Variants in EIPR1 observed in about 807,000 individuals in gnomAD.
The protein encoded by EIPR1 is EARP and GARP complex-interacting protein 1.
Under a neutral mutation model 48.1 loss-of-function variants are expected in EIPR1, and 25 were observed. The ratio of observed to expected loss-of-function variants is 0.52; its 90% CI spans 0.38 to 0.73. The LOEUF (loss-of-function observed/expected upper bound fraction) is 0.73. Among genes scored for constraint, EIPR1 ranks in the 30% least tolerant of loss-of-function variants. The probability of loss-of-function intolerance (pLI) is 0.00; values close to 1 mark genes in which losing one functional copy is unlikely to be tolerated. For missense variants in EIPR1, 415 were observed against 506.2 expected (o/e 0.82, Z 1.73); for synonymous variants, 204 against 201.9 (o/e 1.01, Z -0.09).
At chr2:3,195,908 T>C (rs1484802514) in intron 6 of EIPR1, among the ~76,000 whole-genome samples, 1 of 152,256 alleles carries the variant, frequency 6.6e-6, no homozygotes, top group Admixed American at 6.5e-5. Context: ...GGCATCTTTT[T>C]GTTTGCTTAT....
chr2:3,283,603 G>T (rs924814141), intron 3 of EIPR1, among the ~76,000 whole-genome samples: 2 of 152,244 alleles, frequency 1.3e-5, no homozygotes, highest in Non-Finnish European at 2.9e-5. Context: ...CAGACGGGCA[G>T]GAGAGCCAGA....
In EIPR1 at chr2:3,254,402, T is replaced by C. The variant is rs565746766; in HGVS notation, c.416+2897A>G. Among the ~76,000 whole-genome samples the C allele has an allele frequency of 3.9e-4, 59 of 152,292 alleles. 1 individual carries two copies. Among genetic ancestry groups the C allele is most frequent in the Admixed American group, 3.0e-3 (46 of 15,302 alleles). On this transcript the variant is annotated intron_variant, in intron 4 of 8. Coordinates refer to ENST00000382125, the MANE Select transcript of EIPR1 (RefSeq NM_003310.5). ...ATACTTACCGCAACTGTAGTCATAA[T>C]CGCCAAAAACAAGGAAAAACCCAGA... is the stretch of plus-strand genomic sequence containing the variant.
rs1341936195 is a variant in EIPR1, at chr2:3,300,795, T to G, written c.259+37222A>C. 3 of 152,218 alleles carry G rather than the reference T, an allele frequency of 2.0e-5. No homozygotes were observed. In the East Asian group the frequency reaches 5.8e-4, roughly 29 times the overall value. The allele number at this position is 152,218 out of a possible 1,614,324, so 9.4% of individuals were successfully genotyped here. A position where few individuals can be genotyped will look rare whatever the true frequency, so the allele number is the denominator to read the frequency against. On this transcript the variant is annotated intron_variant, in intron 3 of 8. Coordinates refer to ENST00000382125, the MANE Select transcript of EIPR1 (RefSeq NM_003310.5). Reference sequence around the variant, plus strand: ...TTGTAAACCAGCTGTCGCCCAGGCATGTTTTCTACAAGAGAGTATATATGT... The same window carrying G: ...TTGTAAACCAGCTGTCGCCCAGGCAGGTTTTCTACAAGAGAGTATATATGT...
intron 3 of EIPR1, among the ~76,000 whole-genome samples, chr2:3,283,578 G>C (rs1256975788): frequency 6.6e-6 from 1 of 152,208 alleles, no homozygotes; most frequent in Non-Finnish European, 1.5e-5. Flanking sequence ...CCTTCCCCCA[G>C]CTGCAAAGGA....
Position 3,189,883 on chromosome 2 carries a change from G to A in EIPR1, c.990-375C>T, listed in dbSNP as rs1033983595. ...GGAAAGACTGGGGGAAGTAGTCACC[G>A]TGTCTGGGTAACACAGGATGTAAAC... On this transcript the variant is annotated intron_variant, in intron 8 of 8. Coordinates refer to ENST00000382125, the MANE Select transcript of EIPR1 (RefSeq NM_003310.5). This position sits in a 1 kb window ranked among gnomAD's most constrained non-coding sequence, Gnocchi z 4.6. Among the ~76,000 whole-genome samples, 2 of 152,142 alleles carry A rather than the reference G, an allele frequency of 1.3e-5. No homozygotes were observed. The highest frequency in any genetic ancestry group is 2.4e-5 in the African/African-American group (1 of 41,436).
chr2:3,247,257 CACA>C (rs1437470530), intron 4 of EIPR1, among the ~76,000 whole-genome samples: 1 of 152,126 alleles, frequency 6.6e-6, no homozygotes, highest in Non-Finnish European at 1.5e-5. Context: ...GGAAACGGAG[CACA>C]ACAAGAATGC....
intron 4 of EIPR1, among the ~76,000 whole-genome samples, chr2:3,250,097 C>A (rs1469956764): frequency 1.3e-5 from 2 of 151,898 alleles, no homozygotes; most frequent in Non-Finnish European, 2.9e-5. Flanking sequence ...TAGGACACTG[C>A]CTAGTGGAGC....
At chr2:3,207,974 A>G (rs1307318032) in intron 5 of EIPR1, 1 of 152,954 alleles carries the variant, frequency 6.5e-6, no homozygotes, top group African/African-American at 2.4e-5. Context: ...TGGCTTTTTC[A>G]AAACAAATAT....
chr2:3,256,973 C>T (rs760365088), intron 4 of EIPR1, among the ~76,000 whole-genome samples: 33 of 152,210 alleles, frequency 2.2e-4, no homozygotes, highest in Non-Finnish European at 4.1e-4. Flanking sequence ...TGAATAAGTG[C>T]ATGCTGACCA....
intron 2 of EIPR1, among the ~76,000 whole-genome samples, chr2:3,345,619 T>C (rs1464071602): frequency 6.6e-6 from 1 of 150,990 alleles, no homozygotes; most frequent in Non-Finnish European, 1.5e-5. Flanking sequence ...AGCGAGACTC[T>C]GTCTGGAAAA....
At chr2:3,247,388 G>A (rs746387379) in intron 4 of EIPR1, among the ~76,000 whole-genome samples, 2 of 152,136 alleles carry the variant, frequency 1.3e-5, no homozygotes, top group African/African-American at 2.4e-5. Flanking sequence ...AAGGGCGATG[G>A]AAAACCATAA....
At chr2:3,282,032 A>T (rs1668028897) in intron 3 of EIPR1, among the ~76,000 whole-genome samples, 1 of 152,356 alleles carries the variant, frequency 6.6e-6, no homozygotes, top group East Asian at 1.9e-4. Context: ...GGAAATGAGA[A>T]TTTTATATTC....
intron 1 of EIPR1, among the ~76,000 whole-genome samples, chr2:3,365,854 G>T (rs1040266748): frequency 2.6e-5 from 4 of 151,948 alleles, no homozygotes; most frequent in African/African-American, 9.7e-5. Context: ...AGAACAAAAT[G>T]AAAAGTCTCC....
At chr2:3,246,091 C>CA (rs1254636332) in intron 4 of EIPR1, among the ~76,000 whole-genome samples, 1 of 152,056 alleles carries the variant, frequency 6.6e-6, no homozygotes, top group South Asian at 2.1e-4. Flanking sequence ...GACCCCGTCT[C>CA]AAAAAAAGAA....
chr2:3,271,074 T>C (rs1667689004), intron 3 of EIPR1, among the ~76,000 whole-genome samples: 1 of 152,232 alleles, frequency 6.6e-6, no homozygotes, highest in South Asian at 2.1e-4. Context: ...ACCACTTGCT[T>C]TGCTCATCCT....
At position 3,377,787 on chromosome 2, in the gene EIPR1, C is replaced by A; in HGVS notation, c.-98G>T. 1.0e-4 allele frequency: 136 copies of A among 1,334,020 alleles called. No homozygotes were observed. Among genetic ancestry groups the A allele is most frequent in the Non-Finnish European group, 1.3e-4 (127 of 960,508 alleles). The allele number at this position is 1,334,020 out of a possible 1,614,324, so 82.6% of individuals were successfully genotyped here. A position where few individuals can be genotyped will look rare whatever the true frequency, so the allele number is the denominator to read the frequency against. Reference sequence around the variant, plus strand: ...CGCGGGCGTGTTCCCAGCGCCCATTCATTCCCTCCCCGCAGCAAACGACTC... The same window carrying A: ...CGCGGGCGTGTTCCCAGCGCCCATTAATTCCCTCCCCGCAGCAAACGACTC... On this transcript the variant is annotated 5_prime_UTR_variant, in exon 1 of 9. An upstream start codon of the reference 5' UTR is lost. Coordinates refer to ENST00000382125, the MANE Select transcript of EIPR1 (RefSeq NM_003310.5).
At chr2:3,317,124 G>T (rs1669330466) in intron 3 of EIPR1, among the ~76,000 whole-genome samples, 1 of 151,668 alleles carries the variant, frequency 6.6e-6, no homozygotes, top group African/African-American at 2.4e-5. Context: ...TTGCATGTGG[G>T]GTGGAGCACA....
At chr2:3,325,167 T>C (rs966797039) in intron 3 of EIPR1, among the ~76,000 whole-genome samples, 9 of 152,216 alleles carry the variant, frequency 5.9e-5, no homozygotes, top group African/African-American at 2.2e-4. Context: ...GGCCAAGCTC[T>C]GGGCTCCCTG....
chr2:3,293,608 A>C (rs565941017), intron 3 of EIPR1, among the ~76,000 whole-genome samples: 17 of 152,058 alleles, frequency 1.1e-4, no homozygotes, highest in Admixed American at 5.2e-4. Flanking sequence ...CCTCTGCTCC[A>C]CTTCTCCCCA....
Sources: allele counts gnomAD v4.1 joint callset (sites outside exome capture counted in the v4.1 genomes callset), GRCh38; gene constraint gnomAD v4.1.1; non-coding constraint Gnocchi (gnomAD v3.1); transcripts MANE v1.5; gene names NCBI Gene and HGNC (gene_info 2026-07-23, HGNC 2026-07-21).